Variants in UBTD2 observed in about 807,000 individuals in gnomAD.
UBTD2 encodes the protein ubiquitin domain containing 2.
UBTD2 carries 9 observed loss-of-function variants against 19.8 expected under a neutral mutation model. The ratio of observed to expected loss-of-function variants is 0.46; its 90% CI spans 0.27 to 0.79. The LOEUF (loss-of-function observed/expected upper bound fraction) is 0.79. Ranked by LOEUF, UBTD2 falls within the 30% of genes least tolerant of loss-of-function variation. UBTD2 has a pLI of 0.14. For synonymous variants in UBTD2, 98 were observed against 103.9 expected, an observed-to-expected ratio of 0.94 and a Z score of 0.35; for missense variants, 250 against 300.4, an observed-to-expected ratio of 0.83 and a Z score of 1.24.
At chr5:172,223,392 C>T (rs1475176253) in intron 2 of UBTD2, among the ~76,000 whole-genome samples, 1 of 151,764 alleles carries the variant, frequency 6.6e-6, no homozygotes, top group Non-Finnish European at 1.5e-5. Context: ...ATCACGAGGT[C>T]AGGAGTTCGA....
intron 2 of UBTD2, among the ~76,000 whole-genome samples, chr5:172,228,710 G>A (rs1037139505): frequency 1.3e-5 from 2 of 151,806 alleles, no homozygotes; most frequent in South Asian, 4.2e-4. Context: ...GACAGAGCTA[G>A]ACTCCGTCTC....
At chr5:172,270,891 A>C (rs1224645439) in intron 1 of UBTD2, among the ~76,000 whole-genome samples, 1 of 152,184 alleles carries the variant, frequency 6.6e-6, no homozygotes, top group African/African-American at 2.4e-5. Context: ...ACAAAAAACA[A>C]AAATTTTAAA....
intron 2 of UBTD2, among the ~76,000 whole-genome samples, chr5:172,218,395 G>A (rs1224460144): frequency 2.0e-5 from 3 of 151,672 alleles, no homozygotes; most frequent in African/African-American, 7.3e-5. Flanking sequence ...CTTCCACGTT[G>A]GGAAACTAAA....
intron 1 of UBTD2, chr5:172,254,377 G>A (rs550067429): frequency 3.1e-4 from 91 of 297,128 alleles, no homozygotes; most frequent in African/African-American, 1.6e-3. Context: ...GATTACAGGC[G>A]TGAGCCACTG....
intron 2 of UBTD2, among the ~76,000 whole-genome samples, chr5:172,217,926 C>G (rs1014429061): frequency 6.6e-6 from 1 of 152,150 alleles, no homozygotes; most frequent in Admixed American, 6.5e-5. Context: ...CAGAAATGGA[C>G]AGATCTAACA....
At chr5:172,279,338 G>C (rs1461466582) in intron 1 of UBTD2, among the ~76,000 whole-genome samples, 1 of 152,184 alleles carries the variant, frequency 6.6e-6, no homozygotes, top group East Asian at 1.9e-4. Flanking sequence ...ACCTCATAAG[G>C]TTGTTAGGAC....
intron 2 of UBTD2, among the ~76,000 whole-genome samples, chr5:172,218,817 TAAA>T (rs1554127124): frequency 6.7e-5 from 6 of 89,654 alleles, no homozygotes; most frequent in African/African-American, 2.2e-4. Flanking sequence ...AAATAAAAAA[TAAA>T]AATAAAAAAA....
chr5:172,244,411 C>T (rs1034913578), intron 1 of UBTD2, among the ~76,000 whole-genome samples: 1 of 150,888 alleles, frequency 6.6e-6, no homozygotes, highest in African/African-American at 2.4e-5. Flanking sequence ...ATTCTCCTGC[C>T]TCAGCCTCCG....
Position 172,281,899 on chromosome 5 carries a change from T to G in UBTD2, c.70+1697A>C, listed in dbSNP as rs142577253. On this transcript the variant is annotated intron_variant, in intron 1 of 2. Coordinates refer to ENST00000393792, the MANE Select transcript of UBTD2 (RefSeq NM_152277.3). ...AGAGCTTACGGTCCAGAGAACTCAG[T>G]CCTCAAAGAAACTGATACTATAGCT... Among the ~76,000 whole-genome samples the G allele has an allele frequency of 2.1e-3, 324 of 152,226 alleles. 1 individual carries two copies. Among genetic ancestry groups the G allele is most frequent in the Non-Finnish European group, 3.9e-3 (265 of 68,022 alleles).
chr5:172,274,626 C>G (rs1303762160), intron 1 of UBTD2, among the ~76,000 whole-genome samples: 1 of 152,156 alleles, frequency 6.6e-6, no homozygotes, highest in African/African-American at 2.4e-5. Context: ...CTCAAAAGGG[C>G]TACTGGTATA....
chr5:172,218,377 T>C (rs531756707), intron 2 of UBTD2, among the ~76,000 whole-genome samples: 2 of 151,960 alleles, frequency 1.3e-5, no homozygotes, highest in South Asian at 4.2e-4. Flanking sequence ...CTAAAATCAA[T>C]CAGTAAGCTT....
intron 1 of UBTD2, among the ~76,000 whole-genome samples, chr5:172,262,796 C>G (rs1755299226): frequency 6.6e-6 from 1 of 152,120 alleles, no homozygotes; most frequent in Admixed American, 6.5e-5. Context: ...GCCCAGGTGA[C>G]AGAGCAAGAC....
intron 1 of UBTD2, among the ~76,000 whole-genome samples, chr5:172,241,048 T>C (rs1355633770): frequency 1.4e-5 from 2 of 138,896 alleles, no homozygotes; most frequent in African/African-American, 5.3e-5. Flanking sequence ...TTACCATGAG[T>C]TAACTTTTTT....
At chr5:172,263,143 C>T (rs1325289540) in intron 1 of UBTD2, among the ~76,000 whole-genome samples, 1 of 152,070 alleles carries the variant, frequency 6.6e-6, no homozygotes, top group Non-Finnish European at 1.5e-5. Flanking sequence ...GTTGCCCAGG[C>T]TGGTCTTGAA....
At chr5:172,221,521 ATAAG>A in intron 2 of UBTD2, among the ~76,000 whole-genome samples, 1 of 152,300 alleles carries the variant, frequency 6.6e-6, no homozygotes, top group Non-Finnish European at 1.5e-5. Flanking sequence ...AATAAAATAA[ATAAG>A]TGAGCCAGTA....
At chr5:172,268,359 G>C (rs979538133) in intron 1 of UBTD2, among the ~76,000 whole-genome samples, 2 of 151,934 alleles carry the variant, frequency 1.3e-5, no homozygotes, top group Non-Finnish European at 2.9e-5. Context: ...ACTGTAGCCT[G>C]GAAAATAGTT....
intron 1 of UBTD2, among the ~76,000 whole-genome samples, chr5:172,276,663 T>C (rs1755609205): frequency 6.6e-6 from 1 of 151,754 alleles, no homozygotes; most frequent in Non-Finnish European, 1.5e-5. Flanking sequence ...GGACAGATGG[T>C]TTCATTTGTA....
At chr5:172,251,179 C>T (rs990433348) in intron 1 of UBTD2, among the ~76,000 whole-genome samples, 3 of 150,546 alleles carry the variant, frequency 2.0e-5, no homozygotes, top group Non-Finnish European at 3.0e-5. Context: ...ATTGGCCGGG[C>T]GTGGTTGCAG....
chr5:172,270,897 T>G (rs1755476147), intron 1 of UBTD2, among the ~76,000 whole-genome samples: 1 of 152,124 alleles, frequency 6.6e-6, no homozygotes, highest in Admixed American at 6.6e-5. Context: ...AACAAAAATT[T>G]TAAACCACTT....
Sources: allele counts gnomAD v4.1 joint callset (sites outside exome capture counted in the v4.1 genomes callset), GRCh38; gene constraint gnomAD v4.1.1; transcripts MANE v1.5; gene names NCBI Gene and HGNC (gene_info 2026-07-23, HGNC 2026-07-21).